SEMA3D: variants seen among roughly 807,000 people sequenced by gnomAD.
SEMA3D encodes semaphorin-3D.
Under a neutral mutation model 100.1 loss-of-function variants are expected in SEMA3D, and 84 were observed. The observed-to-expected ratio is 0.84, with a 90% confidence interval of 0.70 to 1.01. The LOEUF is 1.01. SEMA3D is among the 50% of genes least tolerant of loss of function. The pLI, the probability that SEMA3D is intolerant of heterozygous loss-of-function variation, is 0.00. For synonymous variants in SEMA3D, 312 were observed against 320.7 expected (o/e 0.97, Z 0.29); for missense variants, 875 against 934.1 (o/e 0.94, Z 0.82).
At chr7:85,005,927 A>G (rs1490165376) in intron 18 of SEMA3D, among the ~76,000 whole-genome samples, 3 of 152,066 alleles carry the variant, frequency 2.0e-5, no homozygotes, top group Non-Finnish European at 4.4e-5. Flanking sequence ...ACTTTTCAAT[A>G]AGGCTGATAT....
chr7:85,246,887 A>C, the SEMA3D span, among the ~76,000 whole-genome samples: 1 of 152,000 alleles, frequency 6.6e-6, no homozygotes, highest in Non-Finnish European at 1.5e-5. Context: ...ATGTATAAAT[A>C]AAATTTGATA....
chr7:85,149,908 C>G (rs1487686492), intron 2 of SEMA3D, among the ~76,000 whole-genome samples: 1 of 151,994 alleles, frequency 6.6e-6, no homozygotes, highest in Non-Finnish European at 1.5e-5. Flanking sequence ...CTGTATTAAC[C>G]ACTAGTCAAG....
the SEMA3D span, among the ~76,000 whole-genome samples, chr7:85,202,270 C>A: frequency 7.1e-6 from 1 of 141,752 alleles, no homozygotes; most frequent in Admixed American, 7.7e-5. Context: ...CATGTGATCT[C>A]ATTGTTCAAT....
chr7:85,117,429 A>G (rs1562824534), intron 3 of SEMA3D, among the ~76,000 whole-genome samples: 2 of 152,174 alleles, frequency 1.3e-5, no homozygotes, highest in East Asian at 1.9e-4. Flanking sequence ...TCCAAATTAC[A>G]TTTTGGTTTT....
chr7:85,156,258 A>T (rs1217617816), intron 1 of SEMA3D, among the ~76,000 whole-genome samples: 1 of 151,930 alleles, frequency 6.6e-6, no homozygotes, highest in Non-Finnish European at 1.5e-5. Flanking sequence ...GCGTGCCACC[A>T]CACCTGGCTA....
chr7:85,165,034 C>T (rs1790861525), intron 1 of SEMA3D, among the ~76,000 whole-genome samples: 1 of 151,276 alleles, frequency 6.6e-6, no homozygotes, highest in Non-Finnish European at 1.5e-5. Flanking sequence ...TGTGATGTTC[C>T]CCTTCCTGTG....
At chr7:85,225,109 T>TAC in the SEMA3D span, among the ~76,000 whole-genome samples, 12 of 19,676 alleles carry the variant, frequency 6.1e-4, 1 homozygote, top group South Asian at 1.7e-3. Context: ...TATATATACA[T>TAC]ACATATATAC....
At chr7:85,003,296 A>AAAAC in intron 18 of SEMA3D, among the ~76,000 whole-genome samples, 1 of 152,220 alleles carries the variant, frequency 6.6e-6, no homozygotes, top group East Asian at 1.9e-4. Flanking sequence ...TAGAAAAGGG[A>AAAAC]AAACTTACTA....
intron 2 of SEMA3D, among the ~76,000 whole-genome samples, chr7:85,150,954 A>G (rs922622835): frequency 1.3e-5 from 2 of 152,106 alleles, no homozygotes; most frequent in African/African-American, 4.8e-5. Flanking sequence ...ATATTTTAAA[A>G]CAATGTTTCT....
At chr7:85,174,185 T>C (rs1344631833) in intron 1 of SEMA3D, among the ~76,000 whole-genome samples, 1 of 152,158 alleles carries the variant, frequency 6.6e-6, no homozygotes, top group Non-Finnish European at 1.5e-5. Flanking sequence ...GGTCCTTTTG[T>C]TGATTTGTGT....
At chr7:85,225,826 G>A in the SEMA3D span, among the ~76,000 whole-genome samples, 1 of 152,034 alleles carries the variant, frequency 6.6e-6, no homozygotes, top group Admixed American at 6.6e-5. Flanking sequence ...CATTGCATCC[G>A]GCCAGGGGGA....
At chr7:85,242,528 T>C in the SEMA3D span, among the ~76,000 whole-genome samples, 10 of 152,320 alleles carry the variant, frequency 6.6e-5, no homozygotes, top group South Asian at 1.9e-3. Context: ...TTTAATTTCA[T>C]TGTGGCCTTA....
chr7:85,201,458 T>C, the SEMA3D span, among the ~76,000 whole-genome samples: 4 of 152,166 alleles, frequency 2.6e-5, no homozygotes, highest in Non-Finnish European at 5.9e-5. Context: ...CAATCTCCTT[T>C]TTAATCTTAA....
At chr7:85,145,182 G>A (rs1351072793) in intron 2 of SEMA3D, among the ~76,000 whole-genome samples, 1 of 151,642 alleles carries the variant, frequency 6.6e-6, no homozygotes. Context: ...CTTATTTTAT[G>A]CCAGTCTGGC....
rs1373251531 is a variant in SEMA3D at position 84,999,695 on chromosome 7, C to G, written c.2079G>C (p.Gln693His). 1.9e-6 allele frequency: 3 copies of G among 1,614,034 alleles called. No homozygotes were observed. In the Admixed American group the frequency reaches 5.0e-5, roughly 27 times the overall value. ...VIENEQMENT[Q>H]RAEHEEGKVK... Reference sequence around the variant, plus strand: ...CCTTCCCCTCCTCATGCTCTGCCCTCTGGGTATTTTCCATCTGTTCATTCT... The same window carrying G: ...CCTTCCCCTCCTCATGCTCTGCCCTGTGGGTATTTTCCATCTGTTCATTCT... Residue 693 changes from glutamine (Q) to histidine (H), a missense_variant, in exon 19 of 19, where the codon CAG (glutamine) becomes CAC (histidine). Physicochemically the swap from Gln to His is conservative, Grantham distance 24. Transcript: ENST00000284136.
intron 6 of SEMA3D, among the ~76,000 whole-genome samples, chr7:85,070,819 C>T (rs1039288117): frequency 1.2e-4 from 18 of 152,106 alleles, no homozygotes; most frequent in African/African-American, 3.4e-4. Flanking sequence ...CTTGCTCTGT[C>T]GCCCAGGCTG....
chr7:85,237,005 G>T, the SEMA3D span, among the ~76,000 whole-genome samples: 1 of 152,108 alleles, frequency 6.6e-6, no homozygotes, highest in African/African-American at 2.4e-5. Flanking sequence ...ATAACTTTTT[G>T]TAATAATATA....
At chr7:85,126,404 CGTGTGTGT>C (rs374819280) in intron 2 of SEMA3D, among the ~76,000 whole-genome samples, 33 of 134,160 alleles carry the variant, frequency 2.5e-4, no homozygotes, top group Middle Eastern at 3.9e-3. Context: ...GTGTGTGTGT[CGTGTGTGT>C]GTGTGTGTGT....
At chr7:85,210,347 CATAAG>C in the SEMA3D span, among the ~76,000 whole-genome samples, 7 of 152,008 alleles carry the variant, frequency 4.6e-5, no homozygotes, top group Admixed American at 4.6e-4. Flanking sequence ...TTGATGACTA[CATAAG>C]ATACATTTTC....
Sources: allele counts gnomAD v4.1 joint callset (sites outside exome capture counted in the v4.1 genomes callset), GRCh38; gene constraint gnomAD v4.1.1; transcripts MANE v1.5; gene names NCBI Gene and HGNC (gene_info 2026-07-23, HGNC 2026-07-21).